Variants in PIP5K1A observed in about 807,000 individuals in gnomAD.
PIP5K1A encodes phosphatidylinositol 4-phosphate 5-kinase type-1 alpha.
In PIP5K1A, 46 loss-of-function variants were observed where a neutral mutation model predicts 72.9. The observed-to-expected ratio is 0.63, with a 90% CI of 0.50 to 0.81. The LOEUF is 0.81. PIP5K1A is among the 30% of genes least tolerant of loss of function. The pLI, the probability that PIP5K1A is intolerant of heterozygous loss-of-function variation, is 0.00. For missense variants in PIP5K1A, 458 were observed against 706.1 expected (o/e 0.65, Z 3.98); for synonymous variants, 228 against 255.1 (o/e 0.89, Z 1.01).
At chr1:151,236,510 A>T in intron 8 of PIP5K1A, 48 bp from the exon 9 acceptor site, 2 of 1,396,808 alleles carry the variant, frequency 1.4e-6, no homozygotes, top group Non-Finnish European at 2.0e-6. Flanking sequence ...CCTGAAAAAT[A>T]TTTTTATTTC....
chr1:151,228,805 G>A (rs888038992), intron 4 of PIP5K1A, among the ~76,000 whole-genome samples: 1 of 152,100 alleles, frequency 6.6e-6, no homozygotes, highest in Non-Finnish European at 1.5e-5. Context: ...GAGGTGGACT[G>A]ACTCATTCTC....
intron 1 of PIP5K1A, among the ~76,000 whole-genome samples, chr1:151,209,343 A>G (rs991639127): frequency 2.7e-5 from 4 of 147,802 alleles, no homozygotes; most frequent in African/African-American, 1.0e-4. Flanking sequence ...GCACGATGCC[A>G]TCTCACTGCA....
intron 1 of PIP5K1A, among the ~76,000 whole-genome samples, chr1:151,208,650 C>T (rs1296808896): frequency 2.0e-5 from 3 of 147,446 alleles, no homozygotes; most frequent in East Asian, 2.1e-4. Flanking sequence ...TGAGCCACTG[C>T]GTCCGGCCGT....
intron 10 of PIP5K1A, 173 bp downstream of exon 10, chr1:151,238,438 T>C (rs1393097970): frequency 5.1e-6 from 3 of 585,156 alleles, no homozygotes; most frequent in South Asian, 2.0e-5. Flanking sequence ...TTTGCCTCTT[T>C]CCCCGGCCTT....
chr1:151,201,265 T>G (rs1439289890), intron 1 of PIP5K1A, among the ~76,000 whole-genome samples: 1 of 152,176 alleles, frequency 6.6e-6, no homozygotes, highest in East Asian at 1.9e-4. Flanking sequence ...GGTGTTTGCT[T>G]TGTACTCTTT....
At chr1:151,199,200 G>T in intron 1 of PIP5K1A, 119 bp downstream of exon 1, 1 of 1,557,816 alleles carries the variant, frequency 6.4e-7, no homozygotes, top group South Asian at 1.1e-5. Flanking sequence ...AAGTGGGCGC[G>T]AGCTGGGCTT....
chr1:151,223,461 C>T lies in PIP5K1A; in HGVS notation c.86-784C>T, dbSNP rs184978659. ...GAGATTGAGACCATCCTGGCTAACACGGTGAAACCCTGTCTCTACTAAAAA... is the reference window on the plus strand; with the variant it reads ...GAGATTGAGACCATCCTGGCTAACATGGTGAAACCCTGTCTCTACTAAAAA... On this transcript the variant is annotated intron_variant, in intron 1 of 15. Coordinates refer to ENST00000368888, the MANE Select transcript of PIP5K1A (RefSeq NM_001135638.2). Among the ~76,000 whole-genome samples the T allele has an allele frequency of 4.5e-3, 670 of 149,442 alleles. 7 individuals are homozygous for T. Among genetic ancestry groups the T allele is most frequent in the African/African-American group, 0.015 (628 of 40,586 alleles).
rs1197032523 is a variant in PIP5K1A, at chr1:151,248,238, A to G, written c.*373A>G. 3 of 319,770 alleles carry G rather than the reference A, an allele frequency of 9.4e-6. No individual in the cohort carries two copies. The highest frequency in any genetic ancestry group is 3.4e-5 in the South Asian group (1 of 29,224). The allele number at this position is 319,770 out of a possible 1,614,324, so 19.8% of individuals were successfully genotyped here. A position where few individuals can be genotyped will look rare whatever the true frequency, so the allele number is the denominator to read the frequency against. ...GCTTTCTTTCCCCTCGTCTTTGACT[A>G]GGAACCGGACTCTTAATTTCCTCAG... On this transcript the variant is annotated 3_prime_UTR_variant, in exon 16 of 16. Transcript: ENST00000368888.
At chr1:151,205,864 C>T (rs955864823) in intron 1 of PIP5K1A, among the ~76,000 whole-genome samples, 4 of 151,994 alleles carry the variant, frequency 2.6e-5, no homozygotes, top group Non-Finnish European at 5.9e-5. Flanking sequence ...ACTGGGTTTC[C>T]TTGATCAAGG....
chr1:151,212,881 CTTTT>C (rs59115186), intron 1 of PIP5K1A, among the ~76,000 whole-genome samples: 2 of 113,002 alleles, frequency 1.8e-5, no homozygotes, highest in South Asian at 2.8e-4. Flanking sequence ...CTGACTTTGC[CTTTT>C]TTTTTTTTTT....
chr1:151,243,232 T>C (rs1692021658), intron 14 of PIP5K1A, among the ~76,000 whole-genome samples: 1 of 152,154 alleles, frequency 6.6e-6, no homozygotes, highest in Admixed American at 6.6e-5. Context: ...ATGTCGAAAA[T>C]ACACTGACCC....
At chr1:151,219,834 TC>T (rs1158970042) in intron 1 of PIP5K1A, among the ~76,000 whole-genome samples, 1 of 146,278 alleles carries the variant, frequency 6.8e-6, no homozygotes, top group Admixed American at 7.0e-5. Context: ...CTAAACCCTG[TC>T]CTTACATATT....
chr1:151,247,289 C>G (rs1011873984), intron 15 of PIP5K1A, among the ~76,000 whole-genome samples: 2 of 151,838 alleles, frequency 1.3e-5, no homozygotes, highest in Non-Finnish European at 2.9e-5. Context: ...CCACCACGCC[C>G]GGCTAATTTT....
chr1:151,248,250 C>T lies in PIP5K1A; in HGVS notation c.*385C>T. The T allele has an allele frequency of 3.4e-6, 1 of 293,198 alleles. No homozygotes were observed. The highest frequency in any genetic ancestry group is 6.5e-6 in the Non-Finnish European group (1 of 152,742). The allele number at this position is 293,198 out of a possible 1,614,324, so 18.2% of individuals were successfully genotyped here. A position where few individuals can be genotyped will look rare whatever the true frequency, so the allele number is the denominator to read the frequency against. Reference sequence around the variant, plus strand: ...CTCGTCTTTGACTAGGAACCGGACTCTTAATTTCCTCAGGACAGACTAGCT... The same window carrying T: ...CTCGTCTTTGACTAGGAACCGGACTTTTAATTTCCTCAGGACAGACTAGCT... On this transcript the variant is annotated 3_prime_UTR_variant, in exon 16 of 16. Transcript: ENST00000368888.
intron 1 of PIP5K1A, among the ~76,000 whole-genome samples, chr1:151,212,834 A>C (rs1687018346): frequency 6.7e-6 from 1 of 149,844 alleles, no homozygotes; most frequent in Non-Finnish European, 1.5e-5. Flanking sequence ...CGGCCTCACA[A>C]AGTGCTGGGA....
At chr1:151,216,900 GTTTTTTTTT>G (rs78155966) in intron 1 of PIP5K1A, among the ~76,000 whole-genome samples, 3 of 136,790 alleles carry the variant, frequency 2.2e-5, no homozygotes, top group East Asian at 2.2e-4. Flanking sequence ...CTTAGTAAAT[GTTTTTTTTT>G]TTTTTTTTTT....
intron 9 of PIP5K1A, among the ~76,000 whole-genome samples, chr1:151,237,859 TAGG>T (rs35382596): frequency 0.16 from 24,786 of 151,958 alleles, 2,151 homozygotes; most frequent in Admixed American, 0.2. Flanking sequence ...TTGAGTTAAT[TAGG>T]AGAGCATTCC....
chr1:151,207,059 G>C (rs1686039264), intron 1 of PIP5K1A, among the ~76,000 whole-genome samples: 1 of 150,286 alleles, frequency 6.7e-6, no homozygotes. Context: ...TAGTAGAGAT[G>C]AGGTTTCACC....
rs377696721 is a variant in PIP5K1A, at chr1:151,211,874, C to T, written c.86-12371C>T. Among the ~76,000 whole-genome samples the T allele has an allele frequency of 3.3e-4, 50 of 151,140 alleles. 1 individual carries two copies. The highest frequency in any genetic ancestry group is 1.1e-3 in the African/African-American group (47 of 41,126). ...ATTCCAGCACTTTGGGAGAACGAGG[C>T]GGGCGGATCACGAGGTCAGGAGATC... On this transcript the variant is annotated intron_variant, in intron 1 of 15. Transcript: ENST00000368888.
Sources: gnomAD v4.1 joint callset for allele counts (sites outside exome capture counted in the v4.1 genomes callset) on GRCh38, gnomAD v4.1.1 for gene constraint, MANE v1.5 for transcripts, NCBI Gene and HGNC (gene_info 2026-07-23, HGNC 2026-07-21) for gene names.